DOCK1: variants seen among roughly 807,000 people sequenced by gnomAD.
DOCK1 encodes the protein dedicator of cytokinesis 1, also known as dedicator of cytokinesis protein 1.
A neutral mutation model predicts 262.7 loss-of-function variants in DOCK1; 138 were observed. The observed-to-expected ratio is 0.53, with a 90% CI of 0.46 to 0.61. The LOEUF (loss-of-function observed/expected upper bound fraction) is 0.61. Among genes scored for constraint, DOCK1 ranks in the 20% least tolerant of loss-of-function variants. The pLI is 0.00. For synonymous variants in DOCK1, 866 were observed against 867.4 expected (o/e 1.00, Z 0.03); for missense variants, 1,908 against 2,370.7 (o/e 0.80, Z 4.05).
intron 29 of DOCK1, among the ~76,000 whole-genome samples, chr10:127,270,741 C>A (rs1019206917): frequency 3.3e-5 from 5 of 152,152 alleles, no homozygotes; most frequent in Non-Finnish European, 7.3e-5. Context: ...CAGAGTTGTT[C>A]ATTCTACCTT....
intron 29 of DOCK1, among the ~76,000 whole-genome samples, chr10:127,317,254 T>G (rs1666884800): frequency 6.6e-6 from 1 of 152,220 alleles, no homozygotes; most frequent in South Asian, 2.1e-4. Flanking sequence ...CCCTGGCCTT[T>G]TCGAGTCACG....
intron 43 of DOCK1, 69 bp downstream of exon 43, chr10:127,410,993 T>C (rs1225271634): frequency 8.8e-6 from 13 of 1,473,432 alleles, no homozygotes; most frequent in Non-Finnish European, 1.2e-5. Context: ...GAACTGCCAC[T>C]GGAGAAGCGT....
At chr10:127,064,569 A>G (rs112889854) in intron 23 of DOCK1, among the ~76,000 whole-genome samples, 1,882 of 152,248 alleles carry the variant, frequency 0.012, 38 homozygotes, top group African/African-American at 0.043. Context: ...ATGTCCAGGA[A>G]ACTCCACTGA....
intron 1 of DOCK1, among the ~76,000 whole-genome samples, chr10:126,967,392 AC>A (rs2037751622): frequency 6.6e-6 from 1 of 152,164 alleles, no homozygotes; most frequent in Admixed American, 6.5e-5. Flanking sequence ...AGAATTGGGA[AC>A]CACAGCCCTG....
At chr10:127,235,785 G>T (rs1166460517) in intron 27 of DOCK1, among the ~76,000 whole-genome samples, 1 of 58,834 alleles carries the variant, frequency 1.7e-5, no homozygotes, top group Non-Finnish European at 4.6e-5. Context: ...CTTTGTGGTG[G>T]TTGTTTTTTT....
In DOCK1 at chr10:126,919,998, C is replaced by T. The variant is rs568131157; in HGVS notation, c.46+14435C>T. On this transcript the variant is annotated intron_variant, in intron 1 of 51. Coordinates refer to ENST00000623213, the MANE Select transcript of DOCK1 (RefSeq NM_001290223.2). Reference sequence around the variant, plus strand: ...ACCACTTCCAGGACTAAGGCAGTGTCGGCTCAGCTCGAGAATGCAGTGGGT... The same window carrying T: ...ACCACTTCCAGGACTAAGGCAGTGTTGGCTCAGCTCGAGAATGCAGTGGGT... Among the ~76,000 whole-genome samples the T allele has an allele frequency of 5.9e-5, 9 of 152,276 alleles. No homozygotes were observed. In the South Asian group the frequency reaches 1.0e-3, roughly 18 times the overall value.
chr10:127,109,273 G>A (rs1279441549), intron 24 of DOCK1, among the ~76,000 whole-genome samples: 4 of 152,104 alleles, frequency 2.6e-5, no homozygotes, highest in East Asian at 1.9e-4. Context: ...TGGTGAAACC[G>A]TATCTGCCCA....
chr10:127,417,045 GA>G (rs1229685433), intron 44 of DOCK1, among the ~76,000 whole-genome samples: 1 of 152,194 alleles, frequency 6.6e-6, no homozygotes, highest in Non-Finnish European at 1.5e-5. Context: ...GTTGCTGACG[GA>G]CAGAATCGCC....
chr10:127,336,229 G>T (rs1269566055), intron 29 of DOCK1, among the ~76,000 whole-genome samples: 1 of 152,136 alleles, frequency 6.6e-6, no homozygotes, highest in African/African-American at 2.4e-5. Context: ...GTCCCGTCAG[G>T]TGTGGGCTGT....
intron 37 of DOCK1, 96 bp downstream of exon 37, chr10:127,381,464 A>G (rs1409030963): frequency 2.6e-5 from 29 of 1,110,816 alleles, no homozygotes; most frequent in Middle Eastern, 2.1e-4. Context: ...TAGTAGGCCT[A>G]TAACTTAAGG....
chr10:127,129,614 G>C (rs1422238640), intron 27 of DOCK1, among the ~76,000 whole-genome samples: 2 of 152,150 alleles, frequency 1.3e-5, no homozygotes, highest in Non-Finnish European at 2.9e-5. Context: ...GTCCAGCGTT[G>C]ACCCCTGACG....
At chr10:127,089,532 G>A (rs1381663893) in intron 23 of DOCK1, among the ~76,000 whole-genome samples, 11 of 152,130 alleles carry the variant, frequency 7.2e-5, no homozygotes, top group Admixed American at 6.5e-4. Flanking sequence ...TCAGGAAAAC[G>A]GAGGATTCTG....
intron 1 of DOCK1, among the ~76,000 whole-genome samples, chr10:126,940,939 T>G (rs1420570424): frequency 3.9e-5 from 6 of 152,218 alleles, no homozygotes; most frequent in African/African-American, 1.4e-4. Flanking sequence ...CCAAGATGAT[T>G]CTTCGGAGGA....
At chr10:126,965,702 T>C (rs1419233672) in intron 1 of DOCK1, among the ~76,000 whole-genome samples, 2 of 152,172 alleles carry the variant, frequency 1.3e-5, no homozygotes, top group African/African-American at 2.4e-5. Flanking sequence ...CAAGTTGTTT[T>C]TTTTGCTTTT....
chr10:127,250,819 A>G (rs2059606355), intron 28 of DOCK1, among the ~76,000 whole-genome samples: 2 of 140,946 alleles, frequency 1.4e-5, no homozygotes, highest in South Asian at 2.2e-4. Context: ...AAAAAAAAAA[A>G]AAATGACGTT....
chr10:127,382,348 C>T (rs766136334), intron 37 of DOCK1, among the ~76,000 whole-genome samples: 3 of 152,186 alleles, frequency 2.0e-5, no homozygotes, highest in Non-Finnish European at 2.9e-5. Context: ...TTGGCCCGAT[C>T]CTGAAATTTC....
chr10:127,308,250 G>A (rs568757832), intron 29 of DOCK1, among the ~76,000 whole-genome samples: 19 of 152,298 alleles, frequency 1.2e-4, no homozygotes, highest in Non-Finnish European at 2.2e-4. Context: ...CATGTGTTGG[G>A]CAGCTAACCA....
chr10:127,091,616 G>A (rs1437531273), intron 23 of DOCK1, among the ~76,000 whole-genome samples: 1 of 152,212 alleles, frequency 6.6e-6, no homozygotes, highest in African/African-American at 2.4e-5. Flanking sequence ...GAGGGAGAAG[G>A]GGAATGCTTG....
intron 1 of DOCK1, among the ~76,000 whole-genome samples, chr10:126,940,714 A>G (rs1200502389): frequency 6.6e-6 from 1 of 152,118 alleles, no homozygotes; most frequent in African/African-American, 2.4e-5. Context: ...CAAAGTACCT[A>G]TTTTAGTAAA....
Sources: allele counts gnomAD v4.1 joint callset (sites outside exome capture counted in the v4.1 genomes callset), GRCh38; gene constraint gnomAD v4.1.1; transcripts MANE v1.5; gene names NCBI Gene and HGNC (gene_info 2026-07-23, HGNC 2026-07-21).